PDCL3: variants seen among roughly 807,000 people sequenced by gnomAD.
The protein encoded by PDCL3 is phosducin like 3.
PDCL3 carries 22 observed loss-of-function variants against 26.5 expected under a neutral mutation model. The ratio of observed to expected loss-of-function variants is 0.83; its 90% CI spans 0.59 to 1.19. The LOEUF (loss-of-function observed/expected upper bound fraction) is 1.19. Ranked by LOEUF, PDCL3 falls within the 50% of genes most tolerant of loss-of-function variation. The pLI is 0.00. For missense variants in PDCL3, 246 were observed against 294.1 expected, an observed-to-expected ratio of 0.84 and a Z score of 1.20; for synonymous variants, 81 against 104.9, an observed-to-expected ratio of 0.77 and a Z score of 1.39.
At chr2:100,566,379 A>G (rs1675059395) in intron 1 of PDCL3, 124 bp from the exon 2 acceptor site, 12 of 1,258,092 alleles carry the variant, frequency 9.5e-6, no homozygotes, top group Non-Finnish European at 1.3e-5. Context: ...CTTTCTCAGA[A>G]ATAGTTCACA....
chr2:100,568,889 TC>T, intron 2 of PDCL3, 41 bp from the exon 3 acceptor site: 1 of 1,495,256 alleles, frequency 6.7e-7, no homozygotes, highest in East Asian at 2.3e-5. Context: ...TGTTCGTTCA[TC>T]TTTTTAAATT....
intron 2 of PDCL3, among the ~76,000 whole-genome samples, chr2:100,567,352 A>G (rs568170863): frequency 2.0e-5 from 3 of 152,288 alleles, no homozygotes; most frequent in South Asian, 2.1e-4. Flanking sequence ...GGATTTAGCT[A>G]TGCATAAGCC....
intron 2 of PDCL3, among the ~76,000 whole-genome samples, chr2:100,568,135 G>A (rs1675094395): frequency 6.6e-6 from 1 of 152,192 alleles, no homozygotes; most frequent in Non-Finnish European, 1.5e-5. Context: ...TTAACTTGGA[G>A]ATCCCTATTA....
chr2:100,573,689 G>A (rs1159452995), intron 5 of PDCL3, among the ~76,000 whole-genome samples: 12 of 144,620 alleles, frequency 8.3e-5, no homozygotes, highest in Non-Finnish European at 1.4e-4. Flanking sequence ...AAAAAAAAAA[G>A]ATATTCAGCT....
chr2:100,568,692 G>A (rs928298939), intron 2 of PDCL3, among the ~76,000 whole-genome samples: 5 of 152,086 alleles, frequency 3.3e-5, no homozygotes, highest in South Asian at 2.1e-4. Context: ...GAGGGGAGGA[G>A]GATCTGAGGG....
Position 100,566,445 on chromosome 2 carries a change from C to T in PDCL3, c.7-58C>T, listed in dbSNP as rs529183889. 1.9e-5 allele frequency: 30 copies of T among 1,577,408 alleles called. No homozygotes were observed. The Admixed American group carries it at 2.3e-4, about 12-fold the overall frequency. ...TTTTCCCATTTGGCCCCTTGCCCAA[C>T]GTGGCACCCTACATACTAGACTTAG... On this transcript the variant is annotated intron_variant, in intron 1 of 5. Coordinates refer to ENST00000264254, the MANE Select transcript of PDCL3 (RefSeq NM_024065.5).
At chr2:100,565,464 C>T (rs543378161) in intron 1 of PDCL3, among the ~76,000 whole-genome samples, 164 of 151,716 alleles carry the variant, frequency 1.1e-3, no homozygotes, top group South Asian at 3.1e-3. Flanking sequence ...TTAGTAAAGA[C>T]GGGGTTTCAT....
chr2:100,566,501 A>G lies in PDCL3; in HGVS notation c.7-2A>G. The G allele has an allele frequency of 6.2e-7, 1 of 1,612,080 alleles. No homozygotes were observed. Among genetic ancestry groups the G allele is most frequent in the Non-Finnish European group, 8.5e-7 (1 of 1,179,748 alleles). ...ATGGTAACCTTGGTCCCGCTCTTCT[A>G]GGACCCCAACGCAGACACTGAATGG... On this transcript the variant is annotated splice_acceptor_variant, in intron 1 of 5. Transcript: ENST00000264254. LOFTEE classifies it high-confidence loss of function.
intron 3 of PDCL3, 150 bp downstream of exon 3, chr2:100,569,171 G>C: frequency 1.5e-6 from 1 of 671,182 alleles, no homozygotes; most frequent in Non-Finnish European, 2.6e-6. Context: ...CAGGCAGATC[G>C]CTTGAGCTCA....
intron 5 of PDCL3, 145 bp from the exon 6 acceptor site, chr2:100,576,209 T>C (rs1245847941): frequency 2.5e-6 from 2 of 802,742 alleles, no homozygotes; most frequent in African/African-American, 3.6e-5. Flanking sequence ...CCCAAAGTGT[T>C]GGGATTACAG....
intron 5 of PDCL3, 151 bp from the exon 6 acceptor site, chr2:100,576,203 A>G (rs1034556242): frequency 2.0e-5 from 15 of 752,742 alleles, no homozygotes; most frequent in Non-Finnish European, 2.8e-5. Context: ...CAGCCTCCCA[A>G]AGTGTTGGGA....
chr2:100,563,324 C>A, intron 1 of PDCL3: 1 of 473,716 alleles, frequency 2.1e-6, no homozygotes. Context: ...TATGTCTTCT[C>A]GCGGTCTCTA....
At chr2:100,566,335 G>A (rs1213940725) in intron 1 of PDCL3, among the ~76,000 whole-genome samples, 168 bp from the exon 2 acceptor site, 1 of 152,168 alleles carries the variant, frequency 6.6e-6, no homozygotes, top group Non-Finnish European at 1.5e-5. Context: ...GGGTAGACAG[G>A]AAAAACAAAA....
chr2:100,573,160 G>T (rs1024932128), intron 5 of PDCL3, among the ~76,000 whole-genome samples: 1 of 151,980 alleles, frequency 6.6e-6, no homozygotes, highest in Admixed American at 6.6e-5. Context: ...TGAGATTACA[G>T]ATGTGAGCCA....
chr2:100,571,981 G>A, intron 5 of PDCL3, 183 bp downstream of exon 5: 2 of 615,102 alleles, frequency 3.3e-6, no homozygotes, highest in East Asian at 2.8e-5. Context: ...TTACAACTGG[G>A]CTCTACTGAT....
intron 2 of PDCL3, among the ~76,000 whole-genome samples, chr2:100,567,926 G>A (rs1372207370): frequency 6.6e-6 from 1 of 151,816 alleles, no homozygotes; most frequent in Non-Finnish European, 1.5e-5. Context: ...AGGTTCAAGC[G>A]ATTCTCCTGC....
chr2:100,565,432 G>A (rs984680840), intron 1 of PDCL3, among the ~76,000 whole-genome samples: 1 of 151,820 alleles, frequency 6.6e-6, no homozygotes, highest in East Asian at 1.9e-4. Flanking sequence ...CCGCCACCAC[G>A]CCCGGCTAAT....
chr2:100,571,114 C>A (rs368057728), intron 4 of PDCL3, among the ~76,000 whole-genome samples: 1,275 of 108,300 alleles, frequency 0.012, no homozygotes, highest in Middle Eastern at 0.028. Context: ...CCTGTCTTTA[C>A]AAAAAAAAAA....
At position 100,563,009 on chromosome 2, in the gene PDCL3, G is replaced by C; in HGVS notation, c.-59G>C. The C allele has an allele frequency of 1.9e-6, 3 of 1,576,622 alleles. No individual in the cohort carries two copies. Among genetic ancestry groups the C allele is most frequent in the East Asian group, 4.6e-5 (2 of 43,076 alleles). ...CGGCGCTGTGCGCGTGCACAAAAGA[G>C]AGCTGAGGGGCGGGGGCGCTGCGGC... On this transcript the variant is annotated 5_prime_UTR_variant, in exon 1 of 6. Transcript: ENST00000264254.
Sources: gnomAD v4.1 joint callset for allele counts (sites outside exome capture counted in the v4.1 genomes callset) on GRCh38, gnomAD v4.1.1 for gene constraint, MANE v1.5 for transcripts, NCBI Gene and HGNC (gene_info 2026-07-23, HGNC 2026-07-21) for gene names.